The following CACNA2D1 variants were observed in gnomAD, a reference collection of about 807,000 sequenced individuals.
The protein encoded by CACNA2D1 is calcium voltage-gated channel auxiliary subunit alpha2delta 1, also known as voltage-dependent calcium channel subunit alpha-2/delta-1.
Under a neutral mutation model 171.5 loss-of-function variants are expected in CACNA2D1, and 53 were observed. That is an observed-to-expected ratio of 0.31 (90% CI 0.25 to 0.39). The LOEUF is 0.39. Among genes scored for constraint, CACNA2D1 ranks in the 10% least tolerant of loss-of-function variants. The pLI is 1.00. For missense variants in CACNA2D1, 903 were observed against 1,299.8 expected (o/e 0.69, Z 4.69); for synonymous variants, 442 against 443.1 (o/e 1.00, Z 0.03).
chr7:82,381,583 C>T (rs1384464867), intron 1 of CACNA2D1, among the ~76,000 whole-genome samples: 1 of 152,108 alleles, frequency 6.6e-6, no homozygotes, highest in East Asian at 1.9e-4. Context: ...ACCCTTACCT[C>T]TTATGGGAGG....
intron 3 of CACNA2D1, among the ~76,000 whole-genome samples, chr7:82,240,558 C>T (rs1804136013): frequency 1.3e-5 from 2 of 152,130 alleles, no homozygotes. Flanking sequence ...AGTATAAATA[C>T]ATCAAAGAAT....
chr7:82,369,298 C>A (rs2299182), intron 1 of CACNA2D1, among the ~76,000 whole-genome samples: 111,490 of 151,404 alleles, frequency 0.74, 41,422 homozygotes, highest in African/African-American at 0.85. Flanking sequence ...ATTCTATTAC[C>A]TGAATAACTG....
intron 3 of CACNA2D1, among the ~76,000 whole-genome samples, chr7:82,307,453 G>C (rs542957466): frequency 3.3e-5 from 5 of 150,886 alleles, no homozygotes; most frequent in African/African-American, 1.2e-4. Context: ...CACCATGCCT[G>C]ACAAGAATTA....
intron 1 of CACNA2D1, among the ~76,000 whole-genome samples, chr7:82,434,476 CTTAA>C (rs1164226411): frequency 1.3e-5 from 2 of 152,066 alleles, no homozygotes; most frequent in Admixed American, 6.6e-5. Context: ...TAATTAAGTA[CTTAA>C]TTAAGTACTC....
chr7:82,013,822 G>C (rs958659193), intron 13 of CACNA2D1, among the ~76,000 whole-genome samples: 1 of 151,608 alleles, frequency 6.6e-6, no homozygotes, highest in Non-Finnish European at 1.5e-5. Flanking sequence ...ATGCATGATG[G>C]ATAATTATTA....
chr7:82,302,697 G>A (rs112188078), intron 3 of CACNA2D1, among the ~76,000 whole-genome samples: 3 of 152,130 alleles, frequency 2.0e-5, no homozygotes, highest in South Asian at 2.1e-4. Flanking sequence ...AAATACAGGC[G>A]TGAGCCACTG....
chr7:82,111,446 T>TATATATA (rs1305523365), intron 6 of CACNA2D1, among the ~76,000 whole-genome samples: 1 of 80,374 alleles, frequency 1.2e-5, no homozygotes, highest in East Asian at 3.1e-4. Flanking sequence ...ATATATATAT[T>TATATATA]TTTTTTTTTT....
chr7:82,250,603 G>T (rs1299518973), intron 3 of CACNA2D1, among the ~76,000 whole-genome samples: 1 of 152,086 alleles, frequency 6.6e-6, no homozygotes, highest in African/African-American at 2.4e-5. Flanking sequence ...TATTGCTTAA[G>T]CAATAATTTT....
intron 2 of CACNA2D1, among the ~76,000 whole-genome samples, chr7:82,340,208 CAAT>C (rs1166016521): frequency 1.3e-5 from 2 of 152,184 alleles, no homozygotes; most frequent in African/African-American, 4.8e-5. Context: ...GCAGAGTCAA[CAAT>C]AATAGCTTCT....
At chr7:82,193,278 A>C (rs1798526240) in intron 3 of CACNA2D1, among the ~76,000 whole-genome samples, 1 of 152,034 alleles carries the variant, frequency 6.6e-6, no homozygotes, top group Non-Finnish European at 1.5e-5. Context: ...GCACATTTAC[A>C]GATTACCTAC....
intron 2 of CACNA2D1, among the ~76,000 whole-genome samples, chr7:82,339,193 G>A (rs1818329221): frequency 1.3e-5 from 2 of 152,190 alleles, no homozygotes; most frequent in South Asian, 4.1e-4. Flanking sequence ...GTTTTGATCT[G>A]AAAGAGGCTA....
chr7:81,953,747 TAA>T (rs944988483), intron 38 of CACNA2D1, among the ~76,000 whole-genome samples: 2 of 152,150 alleles, frequency 1.3e-5, no homozygotes, highest in Non-Finnish European at 2.9e-5. Context: ...CAGTTATGAT[TAA>T]GTGTTAATTT....
chr7:82,171,374 T>C (rs1796001855), intron 3 of CACNA2D1, among the ~76,000 whole-genome samples: 1 of 152,052 alleles, frequency 6.6e-6, no homozygotes, highest in South Asian at 2.1e-4. Context: ...TCAACTTCAC[T>C]ATGATGTTCT....
chr7:82,083,275 G>A (rs555690783), intron 7 of CACNA2D1, among the ~76,000 whole-genome samples: 3 of 151,940 alleles, frequency 2.0e-5, no homozygotes, highest in African/African-American at 4.8e-5. Context: ...GTATATTATA[G>A]GATAGGACAT....
intron 3 of CACNA2D1, among the ~76,000 whole-genome samples, chr7:82,273,702 T>C (rs1808936406): frequency 6.6e-6 from 1 of 152,180 alleles, no homozygotes; most frequent in African/African-American, 2.4e-5. Flanking sequence ...ATTCTGAATA[T>C]ATTAATTGCA....
chr7:82,435,845 A>G (rs1293966681), intron 1 of CACNA2D1, among the ~76,000 whole-genome samples: 1 of 152,150 alleles, frequency 6.6e-6, no homozygotes. Context: ...ATGTAATATG[A>G]GCACTGCTCA....
At chr7:82,343,687 C>G (rs768232922) in intron 2 of CACNA2D1, among the ~76,000 whole-genome samples, 1 of 152,058 alleles carries the variant, frequency 6.6e-6, no homozygotes, top group Non-Finnish European at 1.5e-5. Context: ...ATTTATTAAC[C>G]TAGCCTCTCT....
chr7:82,143,269 C>A (rs1792604516), intron 4 of CACNA2D1, among the ~76,000 whole-genome samples: 1 of 152,138 alleles, frequency 6.6e-6, no homozygotes, highest in East Asian at 1.9e-4. Flanking sequence ...ACGTGATAAA[C>A]CTGCATTCAT....
chr7:82,066,526 T>TAAA lies in CACNA2D1; in HGVS notation c.659-5_659-3dup, dbSNP rs370103843. On this transcript the variant is annotated splice_region_variant and splice_polypyrimidine_tract_variant and intron_variant, in intron 7 of 38. Transcript: ENST00000356860. The stretch of plus-strand genomic sequence containing the variant: ...TACTATTATCAACCCATGGTGAAGC[T>TAAA]AAAAAAAAAAAAAAAAGAGAGATAT... The TAAA allele has an allele frequency of 1.3e-4, 182 of 1,448,394 alleles. No individual in the cohort carries two copies. Among genetic ancestry groups the TAAA allele is most frequent in the South Asian group, 5.3e-4 (39 of 73,530 alleles). 89.7% of individuals were successfully genotyped at this position (1,448,394 alleles called of 1,614,324 possible). A position where few individuals can be genotyped will look rare whatever the true frequency, so the allele number is the denominator to read the frequency against.
Sources: gnomAD v4.1 joint callset for allele counts (sites outside exome capture counted in the v4.1 genomes callset) on GRCh38, gnomAD v4.1.1 for gene constraint, MANE v1.5 for transcripts, NCBI Gene and HGNC (gene_info 2026-07-23, HGNC 2026-07-21) for gene names.